The following CNTNAP2 variants were observed in gnomAD, a reference collection of about 807,000 sequenced individuals.
The protein encoded by CNTNAP2 is contactin associated protein 2, also known as contactin-associated protein-like 2.
CNTNAP2 carries 98 observed loss-of-function variants against 155.2 expected under a neutral mutation model. The ratio of observed to expected loss-of-function variants is 0.63; its 90% CI spans 0.54 to 0.75. CNTNAP2 has a LOEUF of 0.75. Ranked by LOEUF, CNTNAP2 falls within the 30% of genes least tolerant of loss-of-function variation. The pLI is 0.00. For synonymous variants in CNTNAP2, 651 were observed against 631.2 expected (o/e 1.03, Z -0.47); for missense variants, 1,727 against 1,688.1 (o/e 1.02, Z -0.40).
chr7:146,894,556 T>C (rs1795839351), intron 3 of CNTNAP2, among the ~76,000 whole-genome samples: 2 of 152,142 alleles, frequency 1.3e-5, no homozygotes, highest in African/African-American at 4.8e-5. Flanking sequence ...GCTGCCCCTG[T>C]GGTTCGCCAT....
At chr7:146,541,569 T>C (rs1211599554) in intron 1 of CNTNAP2, among the ~76,000 whole-genome samples, 1 of 152,046 alleles carries the variant, frequency 6.6e-6, no homozygotes, top group Non-Finnish European at 1.5e-5. Flanking sequence ...TGGGCTTCCA[T>C]AGGCCTGATG....
At chr7:147,456,574 T>C (rs937755396) in intron 10 of CNTNAP2, among the ~76,000 whole-genome samples, 4 of 152,118 alleles carry the variant, frequency 2.6e-5, no homozygotes, top group African/African-American at 9.7e-5. Flanking sequence ...AATGAGATTT[T>C]GTGACTCAGA....
intron 15 of CNTNAP2, among the ~76,000 whole-genome samples, chr7:148,055,931 G>C (rs548859891): frequency 6.6e-6 from 1 of 152,238 alleles, no homozygotes; most frequent in South Asian, 2.1e-4. Context: ...GCCAAGGTTC[G>C]GGGCTCATTC....
chr7:147,040,600 A>G (rs944533181), intron 3 of CNTNAP2, among the ~76,000 whole-genome samples: 1 of 151,342 alleles, frequency 6.6e-6, no homozygotes, highest in Non-Finnish European at 1.5e-5. Flanking sequence ...AGCTGGGATT[A>G]CAGGCGTGCA....
Position 146,162,823 on chromosome 7 carries a change from A to C in CNTNAP2, c.97+45850A>C, listed in dbSNP as rs572545425. Among the ~76,000 whole-genome samples, 14 of 152,348 alleles carry C rather than the reference A, an allele frequency of 9.2e-5. No homozygotes were observed. The South Asian group carries it at 1.7e-3, about 18-fold the overall frequency. ...ACATATACACCATGGAATCCTATGC[A>C]GCCATAAAAAAGGATGAGTTCATGT... On this transcript the variant is annotated intron_variant, in intron 1 of 23. Coordinates refer to ENST00000361727, the MANE Select transcript of CNTNAP2 (RefSeq NM_014141.6).
chr7:147,814,899 A>G (rs1211083171), intron 13 of CNTNAP2, among the ~76,000 whole-genome samples: 1 of 152,236 alleles, frequency 6.6e-6, no homozygotes. Flanking sequence ...AAATAATTAG[A>G]ACATTTTTGT....
chr7:148,115,716 G>A (rs1414955240), intron 15 of CNTNAP2, among the ~76,000 whole-genome samples: 1 of 152,098 alleles, frequency 6.6e-6, no homozygotes, highest in Non-Finnish European at 1.5e-5. Context: ...CTTGAGCTTT[G>A]CAAAGCGCCT....
chr7:147,457,638 G>T (rs1270892347), intron 10 of CNTNAP2, among the ~76,000 whole-genome samples: 1 of 151,372 alleles, frequency 6.6e-6, no homozygotes, highest in African/African-American at 2.4e-5. Flanking sequence ...CATATGATAG[G>T]CATCCACGAG....
At chr7:147,127,309 T>C (rs1474624928) in intron 6 of CNTNAP2, among the ~76,000 whole-genome samples, 1 of 152,146 alleles carries the variant, frequency 6.6e-6, no homozygotes, top group Non-Finnish European at 1.5e-5. Context: ...ATATATGAAC[T>C]GTGTGGCAAA....
At chr7:146,301,800 A>G (rs1459156506) in intron 1 of CNTNAP2, among the ~76,000 whole-genome samples, 1 of 152,122 alleles carries the variant, frequency 6.6e-6, no homozygotes, top group Non-Finnish European at 1.5e-5. Context: ...CACGGGAGGG[A>G]CAGCCTGTGT....
At chr7:147,184,910 A>G (rs1476278545) in intron 8 of CNTNAP2, among the ~76,000 whole-genome samples, 3 of 152,212 alleles carry the variant, frequency 2.0e-5, no homozygotes, top group Non-Finnish European at 4.4e-5. Flanking sequence ...TCTACTACAA[A>G]TCAAAGCTAA....
At chr7:146,586,323 T>C (rs1798690699) in intron 1 of CNTNAP2, among the ~76,000 whole-genome samples, 3 of 151,710 alleles carry the variant, frequency 2.0e-5, no homozygotes, top group Admixed American at 6.6e-5. Flanking sequence ...GTAACTTTAA[T>C]ATTTAAGGAA....
At chr7:147,771,432 T>A (rs1797467218) in intron 13 of CNTNAP2, among the ~76,000 whole-genome samples, 4 of 152,230 alleles carry the variant, frequency 2.6e-5, no homozygotes, top group South Asian at 4.1e-4. Flanking sequence ...AGAACTCTCA[T>A]CCCTAAGGGG....
intron 1 of CNTNAP2, among the ~76,000 whole-genome samples, chr7:146,356,052 TACACACACACACACACAC>T (rs68125550): frequency 3.5e-4 from 50 of 144,198 alleles, no homozygotes; most frequent in South Asian, 1.6e-3. Context: ...TACATACGAA[TACACACACACACACACAC>T]ACACACACAC....
intron 10 of CNTNAP2, among the ~76,000 whole-genome samples, chr7:147,461,009 C>T (rs1325998019): frequency 6.6e-6 from 1 of 152,058 alleles, no homozygotes; most frequent in African/African-American, 2.4e-5. Context: ...TTGAGTTAAC[C>T]TCAATCATGA....
intron 3 of CNTNAP2, among the ~76,000 whole-genome samples, chr7:146,910,301 C>T (rs895681537): frequency 2.0e-5 from 3 of 150,008 alleles, no homozygotes; most frequent in African/African-American, 7.6e-5. Flanking sequence ...TTGGAAAAAG[C>T]TACTTTAAAG....
At chr7:148,327,076 C>T (rs947085767) in intron 21 of CNTNAP2, among the ~76,000 whole-genome samples, 11 of 152,082 alleles carry the variant, frequency 7.2e-5, no homozygotes, top group Non-Finnish European at 1.6e-4. Context: ...TTCTTGTGGA[C>T]GTTGCTGCAT....
At chr7:148,401,590 T>C (rs1487178194) in intron 22 of CNTNAP2, among the ~76,000 whole-genome samples, 2 of 149,878 alleles carry the variant, frequency 1.3e-5, no homozygotes, top group East Asian at 3.9e-4. Flanking sequence ...AATAATGAGC[T>C]ATTTTTTTCT....
chr7:147,947,645 A>T (rs1800844656), intron 14 of CNTNAP2, among the ~76,000 whole-genome samples: 3 of 152,002 alleles, frequency 2.0e-5, no homozygotes, highest in Admixed American at 1.3e-4. Flanking sequence ...AAAACAAAAA[A>T]TAAAATTCCA....
Sources: gnomAD v4.1 joint callset for allele counts (sites outside exome capture counted in the v4.1 genomes callset) on GRCh38, gnomAD v4.1.1 for gene constraint, MANE v1.5 for transcripts, NCBI Gene and HGNC (gene_info 2026-07-23, HGNC 2026-07-21) for gene names.